MIS18A: variants seen among roughly 807,000 people sequenced by gnomAD.
The protein encoded by MIS18A is protein Mis18-alpha.
MIS18A carries 14 observed loss-of-function variants against 25.0 expected under a neutral mutation model. The ratio of observed to expected loss-of-function variants is 0.56; its 90% CI spans 0.37 to 0.88. The LOEUF is 0.88. Ranked by LOEUF, MIS18A falls within the 40% of genes least tolerant of loss-of-function variation. The pLI is 0.00. For synonymous variants in MIS18A, 134 were observed against 118.6 expected (o/e 1.13, Z -0.84); for missense variants, 292 against 290.8 (o/e 1.00, Z -0.03).
At chr21:32,241,042 C>T in the MIS18A span, among the ~76,000 whole-genome samples, 1 of 152,060 alleles carries the variant, frequency 6.6e-6, no homozygotes, top group Non-Finnish European at 1.5e-5. Flanking sequence ...AAAATGTGGC[C>T]CTATTCCTCA....
chr21:32,248,491 T>A, the MIS18A span, among the ~76,000 whole-genome samples: 2 of 152,156 alleles, frequency 1.3e-5, no homozygotes, highest in African/African-American at 2.4e-5. Flanking sequence ...TTAAATGGAA[T>A]AGAGCCCACA....
the MIS18A span, among the ~76,000 whole-genome samples, chr21:32,155,693 T>C: frequency 2.0e-5 from 3 of 152,184 alleles, no homozygotes; most frequent in South Asian, 6.2e-4. Context: ...GGTTGAAATG[T>C]AGTATTAAGT....
At chr21:32,158,408 G>C in the MIS18A span, among the ~76,000 whole-genome samples, 1 of 151,432 alleles carries the variant, frequency 6.6e-6, no homozygotes, top group African/African-American at 2.4e-5. Flanking sequence ...TTAACCAATT[G>C]TTTAGTTTTG....
At chr21:32,212,039 A>G in the MIS18A span, among the ~76,000 whole-genome samples, 1 of 152,172 alleles carries the variant, frequency 6.6e-6, no homozygotes, top group African/African-American at 2.4e-5. Flanking sequence ...AGAAAGTCTA[A>G]AATTAATAAT....
At chr21:32,220,310 C>G in the MIS18A span, among the ~76,000 whole-genome samples, 1 of 152,226 alleles carries the variant, frequency 6.6e-6, no homozygotes, top group African/African-American at 2.4e-5. Context: ...GTTCTGCAGC[C>G]TCCACTGGTG....
chr21:32,222,730 G>C, the MIS18A span, among the ~76,000 whole-genome samples: 1 of 138,646 alleles, frequency 7.2e-6, no homozygotes, highest in Non-Finnish European at 1.5e-5. Flanking sequence ...AGGAGATCAA[G>C]ACCATCCTGG....
rs76705506 is a variant in MIS18A at position 32,273,039 on chromosome 21, C to T, written c.401+1791G>A. 2.0e-3 allele frequency among the ~76,000 whole-genome samples: 305 copies of T among 152,086 alleles called. 2 individuals carry two copies. The highest frequency in any genetic ancestry group is 7.2e-3 in the African/African-American group (297 of 41,476). On this transcript the variant is annotated intron_variant, in intron 2 of 4. Transcript: ENST00000290130. ...TTCCAAATTTTTATGGCCTGCATGC[C>T]GGCACCACAATTTCTGTCACATCCA...
At chr21:32,250,178 T>C in the MIS18A span, among the ~76,000 whole-genome samples, 2 of 150,942 alleles carry the variant, frequency 1.3e-5, no homozygotes, top group African/African-American at 2.4e-5. Flanking sequence ...TTCTTGCCCC[T>C]TTTTTTTTCC....
chr21:32,207,330 G>A, the MIS18A span, among the ~76,000 whole-genome samples: 1 of 152,220 alleles, frequency 6.6e-6, no homozygotes, highest in African/African-American at 2.4e-5. Context: ...AAAGAAGGAT[G>A]AGGGGAGACG....
chr21:32,165,906 C>T, the MIS18A span, among the ~76,000 whole-genome samples: 1 of 152,162 alleles, frequency 6.6e-6, no homozygotes, highest in African/African-American at 2.4e-5. Context: ...ATTCTACAGA[C>T]ACAATGATAA....
chr21:32,200,736 C>T, the MIS18A span, among the ~76,000 whole-genome samples: 1 of 152,162 alleles, frequency 6.6e-6, no homozygotes, highest in Admixed American at 6.5e-5. Context: ...CCGTGCCCCG[C>T]CCAAGGCTTT....
the MIS18A span, among the ~76,000 whole-genome samples, chr21:32,191,109 C>T: frequency 6.6e-6 from 1 of 152,238 alleles, no homozygotes; most frequent in Non-Finnish European, 1.5e-5. Context: ...TTCATGGCTG[C>T]ACTTCCAGTC....
At chr21:32,185,125 C>A in the MIS18A span, among the ~76,000 whole-genome samples, 2 of 152,126 alleles carry the variant, frequency 1.3e-5, no homozygotes, top group Admixed American at 6.5e-5. Context: ...ACATAGCCCC[C>A]ATTTAACCTT....
At chr21:32,257,455 C>T in the MIS18A span, among the ~76,000 whole-genome samples, 8 of 152,128 alleles carry the variant, frequency 5.3e-5, no homozygotes, top group Non-Finnish European at 1.0e-4. Context: ...CAAATGTGGG[C>T]GGCTCTTCTA....
At chr21:32,166,738 C>A in the MIS18A span, among the ~76,000 whole-genome samples, 23 of 151,934 alleles carry the variant, frequency 1.5e-4, no homozygotes, top group Non-Finnish European at 3.2e-4. Context: ...AAAAAGAATT[C>A]GAAATAATTA....
At chr21:32,176,691 A>G in the MIS18A span, among the ~76,000 whole-genome samples, 1 of 152,274 alleles carries the variant, frequency 6.6e-6, no homozygotes, top group Non-Finnish European at 1.5e-5. Context: ...ATAAAACAAG[A>G]GAAAGTGGAA....
At chr21:32,188,428 TG>T in the MIS18A span, among the ~76,000 whole-genome samples, 2 of 152,362 alleles carry the variant, frequency 1.3e-5, no homozygotes, top group African/African-American at 4.8e-5. Context: ...AGAGGGACCC[TG>T]GAGCTAGGGA....
the MIS18A span, among the ~76,000 whole-genome samples, chr21:32,241,754 C>G: frequency 6.6e-6 from 1 of 152,148 alleles, no homozygotes; most frequent in Non-Finnish European, 1.5e-5. Context: ...TAACATTTCA[C>G]TATAAAGAGC....
chr21:32,234,186 T>G, the MIS18A span, among the ~76,000 whole-genome samples: 1 of 152,214 alleles, frequency 6.6e-6, no homozygotes. Context: ...TTGCAACTTT[T>G]CAGTAAACTG....
Sources: gnomAD v4.1 joint callset for allele counts (sites outside exome capture counted in the v4.1 genomes callset) on GRCh38, gnomAD v4.1.1 for gene constraint, MANE v1.5 for transcripts, NCBI Gene and HGNC (gene_info 2026-07-23, HGNC 2026-07-21) for gene names.